DNAJC10: variants seen among roughly 807,000 people sequenced by gnomAD.
The protein encoded by DNAJC10 is DnaJ heat shock protein family (Hsp40) member C10.
In DNAJC10, 101 loss-of-function variants were observed where a neutral mutation model predicts 115.0. The ratio of observed to expected loss-of-function variants is 0.88; its 90% CI spans 0.75 to 1.04. The LOEUF (loss-of-function observed/expected upper bound fraction) is 1.04, where lower values mean the gene tolerates loss of function less well. Ranked by LOEUF, DNAJC10 falls within the 50% of genes least tolerant of loss-of-function variation. The pLI is 0.00. For synonymous variants in DNAJC10, 307 were observed against 301.5 expected (o/e 1.02, Z -0.19); for missense variants, 981 against 928.8 (o/e 1.06, Z -0.73).
rs1693729432 is a variant in DNAJC10 at position 182,741,230 on chromosome 2, T to C, written c.1078-13T>C. On this transcript the variant is annotated splice_polypyrimidine_tract_variant and intron_variant, in intron 12 of 23. Transcript: ENST00000264065. ...CCCATCTCTGACATTTTGTTTTCTT[T>C]ATCACTTTTAAGGATCGTTTGGCTC... The C allele has an allele frequency of 6.5e-7, 1 of 1,549,348 alleles. No individual in the cohort carries two copies. Among genetic ancestry groups the C allele is most frequent in the South Asian group, 1.2e-5 (1 of 84,856 alleles).
At position 182,743,777 on chromosome 2, in the gene DNAJC10, G is replaced by T. The variant is rs1465294874; in HGVS notation, c.1306+65G>T. The T allele has an allele frequency of 5.0e-6, 6 of 1,195,330 alleles. No homozygotes were observed. The Admixed American group carries it at 8.3e-5, about 17-fold the overall frequency. The allele number at this position is 1,195,330 out of a possible 1,614,324, so 74.0% of individuals were successfully genotyped here. On this transcript the variant is annotated intron_variant, in intron 14 of 23. Coordinates refer to ENST00000264065, the MANE Select transcript of DNAJC10 (RefSeq NM_018981.4). ...ATTTTCAAATAGAAGTTTTCTAATTGTGCTTTTTAAACTTATTTTTTACGG... is the reference window on the plus strand; with the variant it reads ...ATTTTCAAATAGAAGTTTTCTAATTTTGCTTTTTAAACTTATTTTTTACGG...
At chr2:182,746,769 C>T (rs1454714136) in intron 14 of DNAJC10, among the ~76,000 whole-genome samples, 1 of 151,868 alleles carries the variant, frequency 6.6e-6, no homozygotes, top group Non-Finnish European at 1.5e-5. Flanking sequence ...CTTTTGTTGC[C>T]ATTGCTTTTG....
intron 16 of DNAJC10, among the ~76,000 whole-genome samples, chr2:182,754,385 GAAAAAT>G (rs1304705538): frequency 1.3e-5 from 2 of 152,026 alleles, no homozygotes; most frequent in African/African-American, 2.4e-5. Context: ...ATAACTTTTT[GAAAAAT>G]AAAAATAAAA....
Position 182,785,876 on chromosome 2 carries a change from G to A in DNAJC10, c.*8744G>A, listed in dbSNP as rs960879780. On this transcript the variant is annotated 3_prime_UTR_variant, in exon 24 of 24. Transcript: ENST00000264065. ...GATATTAACTAAGAATTGTTTGCAG[G>A]GGATGTTGTTGCATATTCTAATGAC... 1 of 152,096 alleles carries A rather than the reference G, an allele frequency of 6.6e-6. No individual in the cohort carries two copies. The highest frequency in any genetic ancestry group is 2.1e-4 in the South Asian group (1 of 4,812). 9.4% of individuals were successfully genotyped at this position (152,096 alleles called of 1,614,324 possible).
chr2:182,781,828 G>A lies in DNAJC10; in HGVS notation c.*4696G>A, dbSNP rs974617607. 6.6e-6 allele frequency: 1 copy of A among 151,996 alleles called. No individual in the cohort carries two copies. The allele number at this position is 151,996 out of a possible 1,614,324, so 9.4% of individuals were successfully genotyped here. A position where few individuals can be genotyped will look rare whatever the true frequency, so the allele number is the denominator to read the frequency against. On this transcript the variant is annotated 3_prime_UTR_variant, in exon 24 of 24. Coordinates refer to ENST00000264065, the MANE Select transcript of DNAJC10 (RefSeq NM_018981.4). ...TGGGATTTTTTTCTTGTAAATTTAA[G>A]TTCCTTGTAGATTCTGGATATTAGC...
Position 182,718,126 on chromosome 2 carries a change from T to C in DNAJC10, c.40T>C (p.Leu14=). The change falls in exon 3 of 24, where the codon TTG becomes CTG. Residue 14 remains leucine (L), a synonymous_variant. Transcript: ENST00000264065. ...AAATAAAGATGACTATATCAGAGACTTGAAAAGGATCATTCTCTGTTTTCT... is the reference window on the plus strand; with the variant it reads ...AAATAAAGATGACTATATCAGAGACCTGAAAAGGATCATTCTCTGTTTTCT... ...WLNKDDYIRD[L]KRIILCFLIV... 6.2e-7 allele frequency: 1 copy of C among 1,612,526 alleles called. No homozygotes were observed. The highest frequency in any genetic ancestry group is 8.5e-7 in the Non-Finnish European group (1 of 1,179,450).
At position 182,785,881 on chromosome 2, in the gene DNAJC10, GT is replaced by G. The variant is rs1694937284; in HGVS notation, c.*8751del. 6.6e-6 allele frequency: 1 copy of G among 152,066 alleles called. No homozygotes were observed. The highest frequency in any genetic ancestry group is 2.1e-4 in the South Asian group (1 of 4,828). 9.4% of individuals were successfully genotyped at this position (152,066 alleles called of 1,614,324 possible). On this transcript the variant is annotated 3_prime_UTR_variant, in exon 24 of 24. Coordinates refer to ENST00000264065, the MANE Select transcript of DNAJC10 (RefSeq NM_018981.4). ...TAACTAAGAATTGTTTGCAGGGGAT[GT>G]TGTTGCATATTCTAATGACTTTTTT...
In DNAJC10 at chr2:182,784,475, C is replaced by T. The variant is rs1032981615; in HGVS notation, c.*7343C>T. 2.0e-5 allele frequency: 3 copies of T among 152,142 alleles called. No individual in the cohort carries two copies. The highest frequency in any genetic ancestry group is 7.2e-5 in the African/African-American group (3 of 41,440). The allele number at this position is 152,142 out of a possible 1,614,324, so 9.4% of individuals were successfully genotyped here. A position where few individuals can be genotyped will look rare whatever the true frequency, so the allele number is the denominator to read the frequency against. ...CCTGCAGTGTTGGCAGAACCTAGCA[C>T]ATTGTTGACCCGTAGAAGCACAGTG... is the stretch of plus-strand genomic sequence containing the variant. On this transcript the variant is annotated 3_prime_UTR_variant, in exon 24 of 24. Coordinates refer to ENST00000264065, the MANE Select transcript of DNAJC10 (RefSeq NM_018981.4).
chr2:182,729,967 G>T, intron 8 of DNAJC10, 26 bp downstream of exon 8: 1 of 1,446,472 alleles, frequency 6.9e-7, no homozygotes, highest in South Asian at 1.2e-5. Flanking sequence ...TAATTTGCTT[G>T]ATTTTCAGGG....
In DNAJC10 at chr2:182,786,458, T is replaced by C. The variant is rs1275624266; in HGVS notation, c.*9326T>C. The C allele has an allele frequency of 1.3e-5, 2 of 152,196 alleles. No individual in the cohort carries two copies. Among genetic ancestry groups the C allele is most frequent in the Non-Finnish European group, 2.9e-5 (2 of 68,038 alleles). The allele number at this position is 152,196 out of a possible 1,614,324, so 9.4% of individuals were successfully genotyped here. A position where few individuals can be genotyped will look rare whatever the true frequency, so the allele number is the denominator to read the frequency against. On this transcript the variant is annotated 3_prime_UTR_variant, in exon 24 of 24. Coordinates refer to ENST00000264065, the MANE Select transcript of DNAJC10 (RefSeq NM_018981.4). ...ATACTGAATTCTGAAATGGAAATAA[T>C]TGACTAGAGATTGTCTAGTCAAACT...
Position 182,736,365 on chromosome 2 carries a change from CAA to C in DNAJC10, c.968_969del (p.Lys323ArgfsTer14). 1.3e-6 allele frequency: 2 copies of C among 1,577,200 alleles called. No homozygotes were observed. The highest frequency in any genetic ancestry group is 8.6e-7 in the Non-Finnish European group (1 of 1,166,026). Reference protein sequence around the residue: ...YFPPGATLNNKEKNSILFLNS... With the variant: ...YFPPGATLNNXEKNSILFLNS... ...TTCCTCCTGGAGCCACTTTAAATAA[CAA>C]AGAGAAAAACAGTATTTTGGTATGA... On this transcript the variant is annotated frameshift_variant, in exon 11 of 24. Coordinates refer to ENST00000264065, the MANE Select transcript of DNAJC10 (RefSeq NM_018981.4). LOFTEE classifies it high-confidence loss of function.
In DNAJC10 at chr2:182,762,768, A is replaced by C. The variant is rs775300641; in HGVS notation, c.2232A>C (p.Pro744=). Residue 744 remains proline (P), a synonymous_variant, in exon 22 of 24, where the codon CCA becomes CCC. Transcript: ENST00000264065. ...TCQKAGIRAY[P]TVKFYFYERA... is the part of the protein sequence containing the mutation. ...AGAAAGCTGGGATCAGGGCCTATCC[A>C]ACTGTTAAATTTTATTTCTACGAAA... 1 of 1,612,602 alleles carries C rather than the reference A, an allele frequency of 6.2e-7. No homozygotes were observed. Among genetic ancestry groups the C allele is most frequent in the East Asian group, 2.2e-5 (1 of 44,808 alleles).
At chr2:182,745,368 A>T (rs1397284515) in intron 14 of DNAJC10, among the ~76,000 whole-genome samples, 3 of 152,178 alleles carry the variant, frequency 2.0e-5, no homozygotes, top group Non-Finnish European at 2.9e-5. Context: ...CTGTGCCTTC[A>T]CACGATTTTT....
At chr2:182,753,942 A>G (rs1477114189) in intron 16 of DNAJC10, among the ~76,000 whole-genome samples, 1 of 152,166 alleles carries the variant, frequency 6.6e-6, no homozygotes, top group Non-Finnish European at 1.5e-5. Flanking sequence ...GTTCAGTGTA[A>G]GGATTTAAAA....
chr2:182,720,162 T>A lies in DNAJC10; in HGVS notation c.360T>A (p.Tyr120Ter), dbSNP rs965299313. 6.2e-7 allele frequency: 1 copy of A among 1,606,530 alleles called. No homozygotes were observed. The highest frequency in any genetic ancestry group is 8.5e-7 in the Non-Finnish European group (1 of 1,177,416). Residue 120 changes from tyrosine to a stop codon, truncating the protein, a stop_gained, in exon 4 of 24, where the codon TAT (tyrosine) becomes TAA (stop). Coordinates refer to ENST00000264065, the MANE Select transcript of DNAJC10 (RefSeq NM_018981.4). LOFTEE classifies it high-confidence loss of function. Reference protein sequence around the residue: ...GQYESWNYYRYDFGIYDDDPE... With the variant: ...GQYESWNYYR ...ATGAAAGCTGGAACTATTATCGTTA[T>A]GATTTTGGTAAGGTGATACGATATT... is the stretch of plus-strand genomic sequence containing the variant.
At chr2:182,760,688 C>T (rs1252803504) in intron 21 of DNAJC10, among the ~76,000 whole-genome samples, 1 of 152,124 alleles carries the variant, frequency 6.6e-6, no homozygotes, top group African/African-American at 2.4e-5. Context: ...TCGAGGAACT[C>T]TTGCCACTAG....
At chr2:182,750,280 G>A (rs1353280368) in intron 14 of DNAJC10, among the ~76,000 whole-genome samples, 1 of 152,164 alleles carries the variant, frequency 6.6e-6, no homozygotes, top group African/African-American at 2.4e-5. Context: ...AAGACTGGGT[G>A]AAGAAACACT....
In DNAJC10 at chr2:182,717,994, T is replaced by C. The variant is rs1558992970; in HGVS notation, c.-93T>C. On this transcript the variant is annotated 5_prime_UTR_variant, in exon 3 of 24. It removes the in-frame stop codon of an upstream open reading frame in the 5' UTR. Coordinates refer to ENST00000264065, the MANE Select transcript of DNAJC10 (RefSeq NM_018981.4). ...TGCTTGATTCACCCTTGAAGTAATG[T>C]AGACAGAAGTTCTCAAATTTGCATA... 1.2e-6 allele frequency: 1 copy of C among 847,134 alleles called. No homozygotes were observed. Among genetic ancestry groups the C allele is most frequent in the Non-Finnish European group, 1.8e-6 (1 of 556,388 alleles). The allele number at this position is 847,134 out of a possible 1,614,324, so 52.5% of individuals were successfully genotyped here.
chr2:182,753,617 C>G (rs1333278317), intron 16 of DNAJC10, among the ~76,000 whole-genome samples: 2 of 106,138 alleles, frequency 1.9e-5, no homozygotes, highest in African/African-American at 3.7e-5. Flanking sequence ...GAGTCTTGCT[C>G]TGTTGTCCAG....
Sources: allele counts gnomAD v4.1 joint callset (sites outside exome capture counted in the v4.1 genomes callset), GRCh38; gene constraint gnomAD v4.1.1; transcripts MANE v1.5; gene names NCBI Gene and HGNC (gene_info 2026-07-23, HGNC 2026-07-21).